Variants in NDST3 observed in about 807,000 individuals in gnomAD.
NDST3 encodes the protein bifunctional heparan sulfate N-deacetylase/N-sulfotransferase 3.
Under a neutral mutation model 96.1 loss-of-function variants are expected in NDST3, and 58 were observed. The ratio of observed to expected loss-of-function variants is 0.60; its 90% CI spans 0.49 to 0.75. NDST3 has a LOEUF of 0.75. Ranked by LOEUF, NDST3 falls within the 30% of genes least tolerant of loss-of-function variation. The probability of loss-of-function intolerance (pLI) is 0.00; values close to 1 mark genes in which losing one functional copy is unlikely to be tolerated. For missense variants in NDST3, 788 were observed against 1,034.2 expected, an observed-to-expected ratio of 0.76 and a Z score of 3.27; for synonymous variants, 333 against 359.7, an observed-to-expected ratio of 0.93 and a Z score of 0.84.
chr4:118,087,830 GA>G (rs1728552360), intron 2 of NDST3, among the ~76,000 whole-genome samples: 1 of 152,068 alleles, frequency 6.6e-6, no homozygotes, highest in Non-Finnish European at 1.5e-5. Flanking sequence ...TCCAAGCTCA[GA>G]AGTCTAGATT....
rs2110447157 is a variant in NDST3 at position 118,053,881 on chromosome 4, G to A, written c.-30G>A. 4 of 1,548,352 alleles carry A rather than the reference G, an allele frequency of 2.6e-6. No homozygotes were observed. The East Asian group carries it at 9.0e-5, about 35-fold the overall frequency. Reference sequence around the variant, plus strand: ...TCTTTTAACTTTTTATGGTGCTTCTGTTGGCATAGTTGGGGAAAGCACCTA... The same window carrying A: ...TCTTTTAACTTTTTATGGTGCTTCTATTGGCATAGTTGGGGAAAGCACCTA... On this transcript the variant is annotated 5_prime_UTR_variant, in exon 2 of 14. Transcript: ENST00000296499.
intron 6 of NDST3, among the ~76,000 whole-genome samples, chr4:118,218,252 C>G (rs944645838): frequency 1.3e-5 from 2 of 151,982 alleles, no homozygotes; most frequent in African/African-American, 4.8e-5. Context: ...AAGAAAACTT[C>G]AAGCCAATAT....
At chr4:118,214,743 G>A (rs1406012758) in intron 6 of NDST3, among the ~76,000 whole-genome samples, 1 of 152,088 alleles carries the variant, frequency 6.6e-6, no homozygotes, top group East Asian at 1.9e-4. Context: ...TTATAAAAGA[G>A]AGTGCATTGA....
intron 5 of NDST3, among the ~76,000 whole-genome samples, chr4:118,142,335 C>T (rs768651561): frequency 2.6e-5 from 4 of 151,772 alleles, no homozygotes; most frequent in Admixed American, 6.6e-5. Context: ...ACTGATTGAG[C>T]TGTCTGTCCA....
In NDST3 at chr4:118,240,709, G is replaced by A. The variant is rs765296572; in HGVS notation, c.2289+15G>A. 1 of 1,606,736 alleles carries A rather than the reference G, an allele frequency of 6.2e-7. No homozygotes were observed. Among genetic ancestry groups the A allele is most frequent in the South Asian group, 1.1e-5 (1 of 89,922 alleles). On this transcript the variant is annotated intron_variant, in intron 11 of 13. Coordinates refer to ENST00000296499, the MANE Select transcript of NDST3 (RefSeq NM_004784.3). Reference sequence around the variant, plus strand: ...CCCCATTTCAGGTATGGAGTAATAAGGATTTACATCATGTTAGAATCTCAT... The same window carrying A: ...CCCCATTTCAGGTATGGAGTAATAAAGATTTACATCATGTTAGAATCTCAT...
At chr4:118,108,622 T>A (rs1730396511) in intron 3 of NDST3, among the ~76,000 whole-genome samples, 1 of 152,172 alleles carries the variant, frequency 6.6e-6, no homozygotes, top group Non-Finnish European at 1.5e-5. Context: ...AGAAGCATAC[T>A]GTATTTCTAG....
intron 6 of NDST3, among the ~76,000 whole-genome samples, chr4:118,155,024 T>C (rs990986442): frequency 1.3e-5 from 2 of 152,228 alleles, no homozygotes; most frequent in Non-Finnish European, 2.9e-5. Context: ...TCTAATGTAC[T>C]TTTAAAGAAC....
chr4:118,232,676 AAGAAAAG>A (rs1287558351), intron 8 of NDST3, among the ~76,000 whole-genome samples: 4 of 146,556 alleles, frequency 2.7e-5, no homozygotes, highest in Non-Finnish European at 4.6e-5. Flanking sequence ...AAAGAAAGAA[AAGAAAAG>A]GAAAGAAACA....
At chr4:118,117,233 A>G (rs899330556) in intron 4 of NDST3, among the ~76,000 whole-genome samples, 1 of 152,194 alleles carries the variant, frequency 6.6e-6, no homozygotes, top group African/African-American at 2.4e-5. Flanking sequence ...CTCCCCAGCC[A>G]TAACAATATG....
Position 118,081,545 on chromosome 4 carries a change from C to G in NDST3, c.982-23473C>G, listed in dbSNP as rs935832194. Among the ~76,000 whole-genome samples, 9 of 152,076 alleles carry G rather than the reference C, an allele frequency of 5.9e-5. No individual in the cohort carries two copies. In the East Asian group the frequency reaches 7.7e-4, roughly 13 times the overall value. On this transcript the variant is annotated intron_variant, in intron 2 of 13. Transcript: ENST00000296499. ...GTGTGACAAGATCCTTCATATGTAACAGGAGGGATTTCTTACACTGTAGTA... is the reference window on the plus strand; with the variant it reads ...GTGTGACAAGATCCTTCATATGTAAGAGGAGGGATTTCTTACACTGTAGTA...
chr4:118,112,231 A>G (rs1730699379), intron 3 of NDST3, among the ~76,000 whole-genome samples: 1 of 152,244 alleles, frequency 6.6e-6, no homozygotes, highest in African/African-American at 2.4e-5. Context: ...CAAATGCCTG[A>G]GCTATCTTTT....
At chr4:118,152,435 T>C (rs1403661119) in intron 6 of NDST3, among the ~76,000 whole-genome samples, 1 of 152,086 alleles carries the variant, frequency 6.6e-6, no homozygotes, top group Non-Finnish European at 1.5e-5. Context: ...AGCTGTAAGG[T>C]CCATAAAAAT....
intron 6 of NDST3, among the ~76,000 whole-genome samples, chr4:118,178,960 GATGCTGGAAGAAGGC>G (rs374401862): frequency 6.6e-6 from 1 of 152,132 alleles, no homozygotes; most frequent in East Asian, 1.9e-4. Context: ...ACAATTCATG[GATGCTGGAAGAAGGC>G]ATGAGGTTAA....
At chr4:118,190,875 T>C (rs908213225) in intron 6 of NDST3, among the ~76,000 whole-genome samples, 5 of 152,206 alleles carry the variant, frequency 3.3e-5, no homozygotes, top group African/African-American at 1.2e-4. Context: ...TTTGAAGTCA[T>C]TCCTATTTTA....
chr4:118,180,098 T>C (rs796949457), intron 6 of NDST3, among the ~76,000 whole-genome samples: 9 of 152,214 alleles, frequency 5.9e-5, no homozygotes, highest in Admixed American at 2.0e-4. Flanking sequence ...TAGGGTTTGT[T>C]TGTTTTTTTA....
At chr4:118,081,434 G>A (rs1240169830) in intron 2 of NDST3, among the ~76,000 whole-genome samples, 2 of 152,026 alleles carry the variant, frequency 1.3e-5, no homozygotes, top group Non-Finnish European at 2.9e-5. Flanking sequence ...GCGAGAGAGA[G>A]ATCTGTTGAT....
intron 6 of NDST3, chr4:118,193,364 G>A (rs1243365133): frequency 1.8e-5 from 9 of 501,176 alleles, no homozygotes; most frequent in African/African-American, 5.8e-5. Flanking sequence ...GTAGGGAGAC[G>A]GGGGGCAGGC....
chr4:118,215,498 G>A lies in NDST3; in HGVS notation c.1540-8993G>A, dbSNP rs550699764. 1.1e-4 allele frequency among the ~76,000 whole-genome samples: 16 copies of A among 152,210 alleles called. 1 individual carries two copies. The South Asian group carries it at 3.3e-3, about 32-fold the overall frequency. On this transcript the variant is annotated intron_variant, in intron 6 of 13. Coordinates refer to ENST00000296499, the MANE Select transcript of NDST3 (RefSeq NM_004784.3). ...AACATGAATGGAGGTGAGGAGTAAA[G>A]TCAGCACCTGAGTACTGTTCCTTTG...
chr4:118,215,229 C>G (rs1358794578), intron 6 of NDST3, among the ~76,000 whole-genome samples: 1 of 151,862 alleles, frequency 6.6e-6, no homozygotes. Flanking sequence ...CACTAGCTAT[C>G]TAAAGGTAAT....
Sources: allele counts gnomAD v4.1 joint callset (sites outside exome capture counted in the v4.1 genomes callset), GRCh38; gene constraint gnomAD v4.1.1; transcripts MANE v1.5; gene names NCBI Gene and HGNC (gene_info 2026-07-23, HGNC 2026-07-21).